The following COP1 variants were observed in gnomAD, a reference collection of about 807,000 sequenced individuals.
The protein encoded by COP1 is COP1 E3 ubiquitin ligase.
A neutral mutation model predicts 101.3 loss-of-function variants in COP1; 24 were observed. The ratio of observed to expected loss-of-function variants is 0.24; its 90% CI spans 0.17 to 0.33. COP1 has a LOEUF of 0.33. COP1 is among the 10% of genes least tolerant of loss of function. The probability of loss-of-function intolerance (pLI) is 1.00; values close to 1 mark genes in which losing one functional copy is unlikely to be tolerated. For synonymous variants in COP1, 347 were observed against 341.9 expected, an observed-to-expected ratio of 1.01 and a Z score of -0.17; for missense variants, 663 against 906.2, an observed-to-expected ratio of 0.73 and a Z score of 3.45.
At chr1:176,152,511 G>A (rs906117268) in intron 5 of COP1, among the ~76,000 whole-genome samples, 1 of 151,546 alleles carries the variant, frequency 6.6e-6, no homozygotes, top group African/African-American at 2.4e-5. Context: ...ACAGTAGCAC[G>A]ATCTCAGCTC....
chr1:175,958,460 A>G (rs373289657), intron 18 of COP1, among the ~76,000 whole-genome samples: 1 of 151,950 alleles, frequency 6.6e-6, no homozygotes, highest in Admixed American at 6.6e-5. Context: ...AAAGGTAAAT[A>G]TTTTTGTCAT....
intron 14 of COP1, among the ~76,000 whole-genome samples, chr1:176,035,359 A>AGAGAAAAAAATATTGAC (rs1669318613): frequency 6.6e-6 from 1 of 152,090 alleles, no homozygotes; most frequent in African/African-American, 2.4e-5. Context: ...CCCAACCTGA[A>AGAGAAAAAAATATTGAC]GAGAAAAAAA....
At chr1:176,085,589 C>CA (rs1215104674) in intron 10 of COP1, among the ~76,000 whole-genome samples, 187 bp downstream of exon 10, 1 of 151,998 alleles carries the variant, frequency 6.6e-6, no homozygotes, top group Non-Finnish European at 1.5e-5. Context: ...AAATATAGAA[C>CA]AAAAAATAGT....
chr1:175,969,630 T>C (rs1356295308), intron 18 of COP1, among the ~76,000 whole-genome samples: 2 of 152,222 alleles, frequency 1.3e-5, no homozygotes, highest in South Asian at 2.1e-4. Flanking sequence ...AGTTTACCCA[T>C]TCTTTGGGTC....
intron 15 of COP1, among the ~76,000 whole-genome samples, chr1:176,006,285 G>T (rs979641253): frequency 6.6e-6 from 1 of 152,006 alleles, no homozygotes; most frequent in Admixed American, 6.6e-5. Flanking sequence ...ACACTGATGG[G>T]TCTTGACTCT....
intron 14 of COP1, among the ~76,000 whole-genome samples, chr1:176,029,694 A>G (rs1255387984): frequency 6.6e-6 from 1 of 152,178 alleles, no homozygotes; most frequent in Non-Finnish European, 1.5e-5. Flanking sequence ...TGGGAATGGA[A>G]GCATAGTAAA....
chr1:176,175,797 C>T (rs1696852139), intron 3 of COP1, 113 bp downstream of exon 3: 1 of 581,834 alleles, frequency 1.7e-6, no homozygotes, highest in East Asian at 2.8e-5. Flanking sequence ...CTGTGGTATA[C>T]AGTAGAGAGA....
At chr1:175,976,126 T>G (rs941605380) in intron 18 of COP1, among the ~76,000 whole-genome samples, 3 of 152,118 alleles carry the variant, frequency 2.0e-5, no homozygotes, top group Non-Finnish European at 4.4e-5. Context: ...AGAATATTGG[T>G]AATAAACAGG....
At chr1:176,186,598 C>T (rs1420399903) in intron 1 of COP1, among the ~76,000 whole-genome samples, 3 of 152,084 alleles carry the variant, frequency 2.0e-5, no homozygotes, top group Non-Finnish European at 4.4e-5. Context: ...TTAAAGACTT[C>T]GGCTTTTAAG....
chr1:176,021,739 C>G (rs1175074976), intron 15 of COP1, among the ~76,000 whole-genome samples: 1 of 152,106 alleles, frequency 6.6e-6, no homozygotes, highest in African/African-American at 2.4e-5. Context: ...TTTGAATATC[C>G]TCAGAGACAA....
At chr1:176,050,664 A>T (rs1247762925) in intron 11 of COP1, among the ~76,000 whole-genome samples, 1 of 152,236 alleles carries the variant, frequency 6.6e-6, no homozygotes, top group African/African-American at 2.4e-5. Flanking sequence ...AAGTAAATTA[A>T]GAATTGATGT....
At chr1:176,009,669 T>C (rs1400270674) in intron 15 of COP1, among the ~76,000 whole-genome samples, 1 of 152,176 alleles carries the variant, frequency 6.6e-6, no homozygotes, top group Non-Finnish European at 1.5e-5. Flanking sequence ...TCAGCAAAAT[T>C]ATACCAGTTA....
At chr1:176,128,112 T>C (rs1688325110) in intron 8 of COP1, among the ~76,000 whole-genome samples, 1 of 152,136 alleles carries the variant, frequency 6.6e-6, no homozygotes, top group African/African-American at 2.4e-5. Context: ...TTGTTCCTTG[T>C]ATATTTTGCA....
At chr1:176,090,813 GA>G (rs1174642926) in intron 9 of COP1, among the ~76,000 whole-genome samples, 4 of 152,126 alleles carry the variant, frequency 2.6e-5, no homozygotes, top group Non-Finnish European at 5.9e-5. Context: ...AAAAGACCAA[GA>G]AACTAAAGAA....
At chr1:175,946,001 G>C (rs1485361723) in intron 19 of COP1, among the ~76,000 whole-genome samples, 1 of 152,176 alleles carries the variant, frequency 6.6e-6, no homozygotes, top group Non-Finnish European at 1.5e-5. Flanking sequence ...GTAGTTTTGA[G>C]CTCTTGTAGG....
intron 9 of COP1, among the ~76,000 whole-genome samples, chr1:176,092,273 C>T (rs1252208631): frequency 2.0e-5 from 3 of 152,072 alleles, no homozygotes; most frequent in Admixed American, 6.5e-5. Context: ...ATGCATAGAA[C>T]ATTTACAAAA....
At chr1:176,095,470 T>C (rs1389905594) in intron 9 of COP1, among the ~76,000 whole-genome samples, 1 of 152,056 alleles carries the variant, frequency 6.6e-6, no homozygotes, top group Non-Finnish European at 1.5e-5. Context: ...ATTGCTTGAG[T>C]CCGGATCCAG....
At chr1:176,171,457 A>C (rs1264232187) in intron 3 of COP1, among the ~76,000 whole-genome samples, 1 of 152,224 alleles carries the variant, frequency 6.6e-6, no homozygotes, top group Non-Finnish European at 1.5e-5. Flanking sequence ...TATCCAGACT[A>C]CTAAACTTTC....
intron 1 of COP1, among the ~76,000 whole-genome samples, chr1:176,197,071 T>G (rs576920243): frequency 2.6e-5 from 4 of 152,216 alleles, no homozygotes; most frequent in African/African-American, 9.6e-5. Context: ...AATTTGCATT[T>G]GAAAATAAAG....
Sources: gnomAD v4.1 joint callset for allele counts (sites outside exome capture counted in the v4.1 genomes callset) on GRCh38, gnomAD v4.1.1 for gene constraint, MANE v1.5 for transcripts, NCBI Gene and HGNC (gene_info 2026-07-23, HGNC 2026-07-21) for gene names.